The following SEC14L1 variants were observed in gnomAD, a reference collection of about 807,000 sequenced individuals.
SEC14L1 encodes the protein SEC14-like protein 1.
Under a neutral mutation model 85.3 loss-of-function variants are expected in SEC14L1, and 48 were observed. The ratio of observed to expected loss-of-function variants is 0.56; its 90% CI spans 0.45 to 0.72. The LOEUF (loss-of-function observed/expected upper bound fraction) is 0.72, where lower values mean the gene tolerates loss of function less well. SEC14L1 is among the 30% of genes least tolerant of loss of function. The pLI is 0.00. For missense variants in SEC14L1, 682 were observed against 921.4 expected (o/e 0.74, Z 3.36); for synonymous variants, 391 against 355.5 (o/e 1.10, Z -1.12).
intron 3 of SEC14L1, among the ~76,000 whole-genome samples, chr17:77,109,099 G>A (rs1456691383): frequency 1.3e-5 from 2 of 152,190 alleles, no homozygotes; most frequent in African/African-American, 4.8e-5. Context: ...TGGGATTACA[G>A]GCGTGAGCCA....
chr17:77,150,973 C>G (rs1257818249), intron 3 of SEC14L1, among the ~76,000 whole-genome samples: 1 of 152,204 alleles, frequency 6.6e-6, no homozygotes, highest in Non-Finnish European at 1.5e-5. Context: ...TTCTCTCATC[C>G]TGGATTTCAT....
At chr17:77,092,403 C>T (rs1431780487) in intron 2 of SEC14L1, among the ~76,000 whole-genome samples, 1 of 152,052 alleles carries the variant, frequency 6.6e-6, no homozygotes, top group African/African-American at 2.4e-5. Context: ...ATGGGACCCT[C>T]TCGGGGAAGT....
upstream of SEC14L1, among the ~76,000 whole-genome samples, chr17:77,136,613 G>A (rs1972807379): frequency 6.6e-6 from 1 of 152,188 alleles, no homozygotes; most frequent in South Asian, 2.1e-4. Context: ...TCTGGCCAAT[G>A]GGAAGTATGT....
intron 9 of SEC14L1, among the ~76,000 whole-genome samples, chr17:77,202,138 T>G (rs1294144923): frequency 6.6e-6 from 1 of 151,670 alleles, no homozygotes; most frequent in South Asian, 2.1e-4. Context: ...TAGGGCAGTA[T>G]GATAGGAGTT....
At chr17:77,191,070 G>A in intron 4 of SEC14L1, 111 bp from the exon 5 acceptor site, 1 of 1,518,762 alleles carries the variant, frequency 6.6e-7, no homozygotes. Flanking sequence ...CGTCCTGGAG[G>A]GAGAGGGCGT....
chr17:77,091,897 C>T (rs1275601342), intron 2 of SEC14L1, among the ~76,000 whole-genome samples: 1 of 152,002 alleles, frequency 6.6e-6, no homozygotes, highest in Non-Finnish European at 1.5e-5. Context: ...CTGCAACCTC[C>T]GCCTCCCGGG....
intron 3 of SEC14L1, among the ~76,000 whole-genome samples, chr17:77,102,515 T>C (rs775343173): frequency 6.6e-6 from 1 of 151,806 alleles, no homozygotes; most frequent in South Asian, 2.1e-4. Context: ...CTTTTTTTCT[T>C]TTTTTTGAGA....
chr17:77,206,325 G>A lies in SEC14L1; in HGVS notation c.1266G>A (p.Glu422=). The change falls in exon 12 of 17, where the codon GAG becomes GAA. Residue 422 remains glutamate, a synonymous_variant. Transcript: ENST00000436233. This position sits in a 1 kb window ranked among gnomAD's most constrained non-coding sequence, Gnocchi z 4.3. ...TGCTGCGGATCATCGAGGTGGTGGAGGCCAACTACCCTGAGACACTGGGCC... is the reference window on the plus strand; with the variant it reads ...TGCTGCGGATCATCGAGGTGGTGGAAGCCAACTACCCTGAGACACTGGGCC... ...KALLRIIEVV[E]ANYPETLGRL... is the part of the protein sequence containing the mutation. 2 of 1,614,112 alleles carry A rather than the reference G, an allele frequency of 1.2e-6. No individual in the cohort carries two copies. Among genetic ancestry groups the A allele is most frequent in the Non-Finnish European group, 1.7e-6 (2 of 1,180,018 alleles).
intron 8 of SEC14L1, chr17:77,199,447 G>A: frequency 6.2e-6 from 1 of 161,262 alleles, no homozygotes; most frequent in Non-Finnish European, 1.4e-5. Flanking sequence ...AGACGGTGGA[G>A]ATGTGGCCCA....
Position 77,155,499 on chromosome 17 carries a change from C to G in SEC14L1, c.63+11840C>G, listed in dbSNP as rs565599976. ...TCCTCACCCCTCAGTCTTGCTGGTG[C>G]CCAGATGGGAGCTGGCAGAGATGTC... On this transcript the variant is annotated intron_variant, in intron 3 of 16. Coordinates refer to ENST00000436233, the MANE Select transcript of SEC14L1 (RefSeq NM_001143998.2). Among the ~76,000 whole-genome samples the G allele has an allele frequency of 1.2e-4, 18 of 152,284 alleles. No homozygotes were observed. In the South Asian group the frequency reaches 3.7e-3, roughly 32 times the overall value.
intron 2 of SEC14L1, chr17:77,089,684 C>A: frequency 3.0e-6 from 1 of 337,002 alleles, no homozygotes. Context: ...GGAACTACAA[C>A]CCAGTTAGGG....
In SEC14L1 at chr17:77,200,463, A is replaced by G. The variant is rs778642533; in HGVS notation, c.820-21A>G. The G allele has an allele frequency of 3.7e-6, 6 of 1,604,282 alleles. No individual in the cohort carries two copies. The East Asian group carries it at 1.1e-4, about 30-fold the overall frequency. ...TTCACAACTTTTAACATTGCTTAGA[A>G]ATGTCTTTTTCTCTTAATAGATTCC... On this transcript the variant is annotated intron_variant, in intron 8 of 16. Transcript: ENST00000436233.
intron 3 of SEC14L1, among the ~76,000 whole-genome samples, chr17:77,172,848 G>A (rs1974578567): frequency 6.6e-6 from 1 of 152,138 alleles, no homozygotes; most frequent in African/African-American, 2.4e-5. Context: ...TTAATTATCA[G>A]TTCTCCAAGG....
chr17:77,186,591 A>G lies in SEC14L1; in HGVS notation c.64-4212A>G, dbSNP rs142421675. ...AGTGTAGCATGTGCTTTTCACATCG[A>G]TTTAACCTTGTAACGTTGTGGAGAG... On this transcript the variant is annotated intron_variant, in intron 3 of 16. Coordinates refer to ENST00000436233, the MANE Select transcript of SEC14L1 (RefSeq NM_001143998.2). 3.9e-5 allele frequency among the ~76,000 whole-genome samples: 6 copies of G among 152,358 alleles called. 1 individual carries two copies. The East Asian group carries it at 1.2e-3, about 29-fold the overall frequency.
intron 14 of SEC14L1, chr17:77,211,367 G>A (rs1382763020): frequency 1.3e-5 from 2 of 153,620 alleles, no homozygotes; most frequent in African/African-American, 4.8e-5. Context: ...TCGGTGCTGT[G>A]TAAGTTTGGT....
intron 10 of SEC14L1, 155 bp from the exon 11 acceptor site, chr17:77,205,121 A>T: frequency 1.6e-6 from 1 of 628,124 alleles, no homozygotes; most frequent in Non-Finnish European, 2.9e-6. Context: ...TGATGTGTTT[A>T]GCGCATGTGA....
At chr17:77,209,724 T>A (rs1976653033) in intron 14 of SEC14L1, 1 of 371,076 alleles carries the variant, frequency 2.7e-6, no homozygotes, top group African/African-American at 2.1e-5. Context: ...TCTCTTGACC[T>A]CCATTTTACT....
rs1976921179 is a variant in SEC14L1 at position 77,214,133 on chromosome 17, G to A, written c.*110G>A. 2.7e-6 allele frequency: 4 copies of A among 1,483,358 alleles called. No homozygotes were observed. In the Admixed American group the frequency reaches 1.0e-4, roughly 37 times the overall value. 91.9% of individuals were successfully genotyped at this position (1,483,358 alleles called of 1,614,324 possible). A position where few individuals can be genotyped will look rare whatever the true frequency, so the allele number is the denominator to read the frequency against. The stretch of plus-strand genomic sequence containing the variant: ...ATTGTACAGACTCCTCTCACCTCTA[G>A]ATAGCAAATAGCTCTCAGATGGTAA... On this transcript the variant is annotated 3_prime_UTR_variant, in exon 17 of 17. Transcript: ENST00000436233.
At position 77,206,849 on chromosome 17, in the gene SEC14L1, G is replaced by A. The variant is rs371973364; in HGVS notation, c.1463G>A (p.Ser488Asn). 1.9e-6 allele frequency: 3 copies of A among 1,605,946 alleles called. No individual in the cohort carries two copies. Among genetic ancestry groups the A allele is most frequent in the Non-Finnish European group, 2.5e-6 (3 of 1,176,756 alleles). Residue 488 changes from serine to asparagine, a missense_variant, in exon 13 of 17, where the codon AGT becomes AAT. Physicochemically the swap from Ser to Asn is conservative, Grantham distance 46 (BLOSUM62 1). Around this residue, in one of 3 missense-constraint regions of SEC14L1, gnomAD observed 420 missense variants for 619.5 expected, o/e 0.68. Coordinates refer to ENST00000436233, the MANE Select transcript of SEC14L1 (RefSeq NM_001143998.2). The surrounding 1 kb of genome is among the most constrained non-coding windows in gnomAD (Gnocchi z 4.3). ...AAAGAGATTATTCCAGATTTCCTGA[G>A]TGGGGAGTGCATGGTATGTCCTGAG... The part of the protein sequence containing the change: ...IDKEIIPDFL[S>N]GECMCEVPEG...
Sources: allele counts gnomAD v4.1 joint callset (sites outside exome capture counted in the v4.1 genomes callset), GRCh38; gene constraint gnomAD v4.1.1; regional missense constraint gnomAD v4.1.1; non-coding constraint Gnocchi (gnomAD v3.1); transcripts MANE v1.5; gene names NCBI Gene and HGNC (gene_info 2026-07-23, HGNC 2026-07-21).